The following COL5A1 variants were observed in gnomAD, a reference collection of about 807,000 sequenced individuals.
COL5A1 encodes collagen alpha-1(V) chain.
COL5A1 carries 16 observed loss-of-function variants against 263.7 expected under a neutral mutation model. That is an observed-to-expected ratio of 0.06 (90% confidence interval 0.04 to 0.09). The LOEUF is 0.09. Among genes scored for constraint, COL5A1 ranks in the 10% least tolerant of loss-of-function variants. COL5A1 has a pLI of 1.00. For missense variants in COL5A1, 2,036 were observed against 2,540.5 expected (o/e 0.80, Z 4.27); for synonymous variants, 1,012 against 1,004.5 (o/e 1.01, Z -0.14).
chr9:134,656,445 A>G (rs1014384041), intron 1 of COL5A1, among the ~76,000 whole-genome samples: 1 of 152,134 alleles, frequency 6.6e-6, no homozygotes, highest in East Asian at 1.9e-4. Flanking sequence ...TGGCTGTGGG[A>G]TCTCCAACAT....
intron 4 of COL5A1, among the ~76,000 whole-genome samples, chr9:134,709,564 G>A (rs1478107154): frequency 6.6e-6 from 1 of 152,200 alleles, no homozygotes. Context: ...CCCTGCTGGT[G>A]ATCTGTGTGG....
chr9:134,843,930 C>A lies in COL5A1; in HGVS notation c.*1627C>A, dbSNP rs1174336411. On this transcript the variant is annotated 3_prime_UTR_variant, in exon 66 of 66. Transcript: ENST00000371817. ...GCGGGTGAGGTCCCCTTTGGGGAACCCTTTCCTGGCCATCGAGGTCGGGGG... is the reference window on the plus strand; with the variant it reads ...GCGGGTGAGGTCCCCTTTGGGGAACACTTTCCTGGCCATCGAGGTCGGGGG... The A allele has an allele frequency of 2.0e-5, 3 of 152,374 alleles. No individual in the cohort carries two copies. Among genetic ancestry groups the A allele is most frequent in the Non-Finnish European group, 2.9e-5 (2 of 68,046 alleles). 9.4% of individuals were successfully genotyped at this position (152,374 alleles called of 1,614,324 possible).
rs1442327011 is a variant in COL5A1 at position 134,760,346 on chromosome 9, C to T, written c.1936-1579C>T. Among the ~76,000 whole-genome samples, 263 of 105,506 alleles carry T rather than the reference C, an allele frequency of 2.5e-3. 5 individuals are homozygous for T. Among genetic ancestry groups the T allele is most frequent in the East Asian group, 6.9e-3 (20 of 2,894 alleles). The allele number at this position is 105,506 out of a possible 152,430, so 69.2% of individuals were successfully genotyped here. On this transcript the variant is annotated intron_variant, in intron 18 of 65. Coordinates refer to ENST00000371817, the MANE Select transcript of COL5A1 (RefSeq NM_000093.5). ...CACACCACACATGCACACACACCCC[C>T]ACACACCCCCACACATACACACACA...
chr9:134,683,335 G>A (rs930561328), intron 1 of COL5A1, among the ~76,000 whole-genome samples: 12 of 152,134 alleles, frequency 7.9e-5, no homozygotes, highest in African/African-American at 1.2e-4. Context: ...TCTTGAGCCC[G>A]TCGCGGGCTG....
intron 23 of COL5A1, 73 bp from the exon 24 acceptor site, chr9:134,767,237 G>A: frequency 6.5e-7 from 1 of 1,529,136 alleles, no homozygotes; most frequent in Non-Finnish European, 9.1e-7. Flanking sequence ...TGAGAAGATG[G>A]ACAGATGGCA....
intron 4 of COL5A1, among the ~76,000 whole-genome samples, chr9:134,707,853 G>A (rs1833890714): frequency 6.6e-6 from 1 of 152,216 alleles, no homozygotes; most frequent in African/African-American, 2.4e-5. Context: ...AGCCCCAGGG[G>A]AGGGAAGCGC....
intron 1 of COL5A1, among the ~76,000 whole-genome samples, chr9:134,674,438 G>T (rs1442197365): frequency 6.6e-6 from 1 of 152,062 alleles, no homozygotes; most frequent in African/African-American, 2.4e-5. Flanking sequence ...AGAACTGCAG[G>T]GACAGAAAAA....
rs1489759598 is a variant in COL5A1, at chr9:134,841,668, A to T, written c.5371-489A>T. Among the ~76,000 whole-genome samples the T allele has an allele frequency of 6.6e-6, 1 of 152,026 alleles. No individual in the cohort carries two copies. The highest frequency in any genetic ancestry group is 1.5e-5 in the Non-Finnish European group (1 of 68,004). On this transcript the variant is annotated intron_variant, in intron 65 of 65. Transcript: ENST00000371817. This position sits in a 1 kb window ranked among gnomAD's most constrained non-coding sequence, Gnocchi z 4.8. ...TGGCAGGTGGTCGTAGGGGGGTCTTACTTGGCTCAAGGCTCTGCCGGTGCC... is the reference window on the plus strand; with the variant it reads ...TGGCAGGTGGTCGTAGGGGGGTCTTTCTTGGCTCAAGGCTCTGCCGGTGCC...
chr9:134,737,375 GT>G, intron 9 of COL5A1, among the ~76,000 whole-genome samples: 1 of 152,360 alleles, frequency 6.6e-6, no homozygotes, highest in Middle Eastern at 3.4e-3. Flanking sequence ...GTGTCGCAAC[GT>G]GGGGAGCAGA....
chr9:134,797,219 G>A (rs1204163784), intron 36 of COL5A1, among the ~76,000 whole-genome samples: 5 of 152,242 alleles, frequency 3.3e-5, no homozygotes, highest in African/African-American at 4.8e-5. Context: ...CCCTGGGGCC[G>A]CCATCACAAA....
rs1378626783 is a variant in COL5A1 at position 134,822,110 on chromosome 9, C to A, written c.4568C>A (p.Pro1523His). 6.2e-7 allele frequency: 1 copy of A among 1,608,382 alleles called. No homozygotes were observed. Among genetic ancestry groups the A allele is most frequent in the Admixed American group, 1.7e-5 (1 of 59,738 alleles). Residue 1523 changes from proline (P) to histidine (H), a missense_variant, in exon 59 of 66, where the codon CCT becomes CAT. By Grantham distance (77) the Pro-to-His change is moderately conservative (BLOSUM62 -2). Around this residue, in one of 3 missense-constraint regions of COL5A1, gnomAD observed 1,078 missense variants for 1,521.4 expected, o/e 0.71. Transcript: ENST00000371817. ...GGTCCTTTTCAGGGTATCACTGGTC[C>A]TTCTGGCCCGATTGGGCCTCCTGGG... is the stretch of plus-strand genomic sequence containing the variant. ...GPKGEQGITG[P>H]SGPIGPPGPP... is the part of the protein sequence containing the mutation.
intron 12 of COL5A1, 57 bp downstream of exon 12, chr9:134,750,673 C>T: frequency 6.2e-7 from 1 of 1,601,198 alleles, no homozygotes; most frequent in Admixed American, 1.7e-5. Flanking sequence ...GGGATCCAAA[C>T]CAGACCCTCT....
chr9:134,724,574 A>C (rs1834579496), intron 4 of COL5A1, among the ~76,000 whole-genome samples: 1 of 152,228 alleles, frequency 6.6e-6, no homozygotes, highest in African/African-American at 2.4e-5. Context: ...CCTCGCACCA[A>C]AAGTCTTCGT....
chr9:134,700,082 G>T lies in COL5A1; in HGVS notation c.451G>T (p.Asp151Tyr). 1 of 1,611,206 alleles carries T rather than the reference G, an allele frequency of 6.2e-7. No individual in the cohort carries two copies. Residue 151 changes from aspartate to tyrosine, a missense_variant, in exon 3 of 66, where the codon GAC becomes TAC. Asp to Tyr is a radical substitution (Grantham distance 160). Around this residue, in one of 3 missense-constraint regions of COL5A1, gnomAD observed 600 missense variants for 634.5 expected, o/e 0.95. Coordinates refer to ENST00000371817, the MANE Select transcript of COL5A1 (RefSeq NM_000093.5). This position sits in a 1 kb window ranked among gnomAD's most constrained non-coding sequence, Gnocchi z 4.0. The stretch of plus-strand genomic sequence containing the variant: ...CCACACGGGGAAGCCTGGCCCGGAA[G>T]ACTACCCCCTCTTCCGGGGCATCAA... ...EDHTGKPGPEDYPLFRGINLS... is the reference protein window; with the variant it reads ...EDHTGKPGPEYYPLFRGINLS...
intron 1 of COL5A1, among the ~76,000 whole-genome samples, chr9:134,669,624 CAA>C (rs1193494919): frequency 1.3e-5 from 2 of 152,016 alleles, no homozygotes; most frequent in Non-Finnish European, 2.9e-5. Flanking sequence ...AACTGAGAGA[CAA>C]GAGAAATCCA....
intron 4 of COL5A1, among the ~76,000 whole-genome samples, chr9:134,706,456 T>TG (rs1833841787): frequency 1.3e-5 from 2 of 151,952 alleles, no homozygotes; most frequent in African/African-American, 4.8e-5. Context: ...CTGCAGAAGG[T>TG]GGGGATGTGT....
intron 11 of COL5A1, among the ~76,000 whole-genome samples, chr9:134,744,619 ACT>A (rs905150197): frequency 2.6e-5 from 4 of 151,750 alleles, no homozygotes; most frequent in Non-Finnish European, 5.9e-5. Context: ...CTGCACACAC[ACT>A]CATGCACACA....
chr9:134,643,479 T>C (rs1831370883), intron 1 of COL5A1, among the ~76,000 whole-genome samples: 1 of 152,162 alleles, frequency 6.6e-6, no homozygotes, highest in Non-Finnish European at 1.5e-5. Flanking sequence ...CGCTTGTCAA[T>C]TAAAACACTC....
intron 4 of COL5A1, among the ~76,000 whole-genome samples, chr9:134,714,358 T>G (rs1317533479): frequency 6.7e-6 from 1 of 149,624 alleles, no homozygotes; most frequent in Non-Finnish European, 1.5e-5. Context: ...ATGATAACAG[T>G]GGTGTGGTGG....
Sources: allele counts gnomAD v4.1 joint callset (sites outside exome capture counted in the v4.1 genomes callset), GRCh38; gene constraint gnomAD v4.1.1; regional missense constraint gnomAD v4.1.1; non-coding constraint Gnocchi (gnomAD v3.1); transcripts MANE v1.5; gene names NCBI Gene and HGNC (gene_info 2026-07-23, HGNC 2026-07-21).